NPC1: variants seen among roughly 807,000 people sequenced by gnomAD.
The protein encoded by NPC1 is Niemann-Pick C1 protein.
Under a neutral mutation model 140.4 loss-of-function variants are expected in NPC1, and 85 were observed. The observed-to-expected ratio is 0.61, with a 90% CI of 0.51 to 0.72. The LOEUF (loss-of-function observed/expected upper bound fraction) is 0.72, where lower values mean the gene tolerates loss of function less well. Among genes scored for constraint, NPC1 ranks in the 30% least tolerant of loss-of-function variants. NPC1 has a pLI of 0.00. For missense variants in NPC1, 1,504 were observed against 1,623.8 expected (o/e 0.93, Z 1.27); for synonymous variants, 656 against 624.8 (o/e 1.05, Z -0.74).
At chr18:23,526,675 G>A, downstream of NPC1, 1 of 1,614,192 alleles carries the variant, frequency 6.2e-7, no homozygotes, top group Non-Finnish European at 8.5e-7. Context: ...TGAGCCCATA[G>A]TAAATCTCTT....
rs148007860 is a variant in NPC1, at chr18:23,534,280, C to T, written c.3591+166G>A. 1.2e-4 allele frequency: 80 copies of T among 686,726 alleles called. No homozygotes were observed. The African/African-American group carries it at 1.2e-3, about 10-fold the overall frequency. The allele number at this position is 686,726 out of a possible 1,614,324, so 42.5% of individuals were successfully genotyped here. On this transcript the variant is annotated intron_variant, in intron 23 of 24. Transcript: ENST00000269228. ...AGCCGTACCAACAGGTACAGTTCCA[C>T]AGAACGTCCGTTCTGTCCACGATGT... is the stretch of plus-strand genomic sequence containing the variant.
intron 1 of NPC1, chr18:23,577,015 G>A (rs952845932): frequency 1.2e-4 from 18 of 152,384 alleles, no homozygotes; most frequent in African/African-American, 3.8e-4. Context: ...CTGATTGGTA[G>A]AGCCGAGTGG....
chr18:23,506,667 G>A (rs550444936), intron 3 of NPC1: 21 of 257,280 alleles, frequency 8.2e-5, no homozygotes, highest in South Asian at 4.5e-4. Flanking sequence ...CAGCAGTTAC[G>A]GAGAAGGCTC....
chr18:23,526,908 C>T, downstream of NPC1: 1 of 1,130,682 alleles, frequency 8.8e-7, no homozygotes, highest in Non-Finnish European at 1.2e-6. Flanking sequence ...GCTATGTGAC[C>T]CCCTAGGAAA....
rs66620415 is a variant in NPC1, at chr18:23,544,952, C to T, written c.1947+8G>A. 7.0e-6 allele frequency: 10 copies of T among 1,430,720 alleles called. 1 individual carries two copies. In the Middle Eastern group the frequency reaches 1.0e-3, roughly 150 times the overall value. 88.6% of individuals were successfully genotyped at this position (1,430,720 alleles called of 1,614,324 possible). Reference sequence around the variant, plus strand: ...CTCTAGAACATACACCACCCCCCCCCGGCTTACCAGAAGCCTGCGACAGCT... The same window carrying T: ...CTCTAGAACATACACCACCCCCCCCTGGCTTACCAGAAGCCTGCGACAGCT... On this transcript the variant is annotated splice_region_variant and intron_variant, in intron 12 of 24. Transcript: ENST00000269228.
In NPC1 at chr18:23,532,031, C is replaced by G. The variant is rs146845822; in HGVS notation, c.*171G>C. The G allele has an allele frequency of 6.2e-5, 96 of 1,541,654 alleles. No homozygotes were observed. In the East Asian group the frequency reaches 2.3e-3, roughly 37 times the overall value. On this transcript the variant is annotated 3_prime_UTR_variant, in exon 25 of 25. Coordinates refer to ENST00000269228, the MANE Select transcript of NPC1 (RefSeq NM_000271.5). ...CTCCAGATCTAGTAATACTGCTTCC[C>G]AAGTCAACTGTGCATTCCTGAGTTC... is the stretch of plus-strand genomic sequence containing the variant.
At chr18:23,507,229 T>TA (rs1236898973) in intron 3 of NPC1, among the ~76,000 whole-genome samples, 2 of 152,162 alleles carry the variant, frequency 1.3e-5, no homozygotes, top group South Asian at 2.1e-4. Context: ...TTGAGTGGGT[T>TA]AAAAAAATGA....
intron 5 of NPC1, among the ~76,000 whole-genome samples, chr18:23,560,818 A>G (rs1282832765): frequency 6.6e-6 from 1 of 152,054 alleles, no homozygotes; most frequent in Non-Finnish European, 1.5e-5. Context: ...CCCCTTTTTA[A>G]CTGCTTATTC....
At position 23,534,508 on chromosome 18, in the gene NPC1, C is replaced by T; in HGVS notation, c.3529G>A (p.Val1177Met). The change falls in exon 23 of 25, where the codon GTG becomes ATG. Residue 1177 changes from valine to methionine, a missense_variant. Transcript: ENST00000269228. ...TCCACGCGGCTGCCTTTCATGCTCA[C>T]CGTGAACGCTCTGGTTATGTGGCTG... Reference protein sequence around the residue: ...FCSHITRAFTVSMKGSRVERA... With the variant: ...FCSHITRAFTMSMKGSRVERA... 6.2e-7 allele frequency: 1 copy of T among 1,614,172 alleles called. No individual in the cohort carries two copies. Among genetic ancestry groups the T allele is most frequent in the Non-Finnish European group, 8.5e-7 (1 of 1,180,038 alleles).
chr18:23,540,417 T>TAAAA, intron 17 of NPC1, 31 bp downstream of exon 17: 5 of 1,159,936 alleles, frequency 4.3e-6, no homozygotes, highest in African/African-American at 1.7e-5. Flanking sequence ...CTAAAGAAGT[T>TAAAA]AAAAAAAAAA....
rs370181667 is a variant in NPC1 at position 23,556,547 on chromosome 18, C to T, written c.1022G>A (p.Arg341His). 6.2e-7 allele frequency: 1 copy of T among 1,614,096 alleles called. No homozygotes were observed. Among genetic ancestry groups the T allele is most frequent in the Non-Finnish European group, 8.5e-7 (1 of 1,180,012 alleles). ...GTTTCGGACGCAGAAAGACCCCCAG[C>T]GTGTGAACAGCCGCCTCAAGCAGCC... ...FEGCLRRLFT[R>H]WGSFCVRNPG... Residue 341 changes from arginine (R) to histidine (H), a missense_variant, in exon 8 of 25, where the codon CGC (arginine) becomes CAC (histidine). Arg to His is a conservative substitution (Grantham distance 29). Coordinates refer to ENST00000269228, the MANE Select transcript of NPC1 (RefSeq NM_000271.5).
chr18:23,534,028 C>G (rs1030005362), intron 23 of NPC1: 1 of 325,218 alleles, frequency 3.1e-6, no homozygotes, highest in Non-Finnish European at 5.8e-6. Context: ...TGTTACGAAA[C>G]AAAGTTTTAG....
chr18:23,533,915 A>G (rs113608157), intron 23 of NPC1: 2 of 334,056 alleles, frequency 6.0e-6, no homozygotes, highest in African/African-American at 4.3e-5. Flanking sequence ...GGGGAGAGGT[A>G]TGACCAAGTT....
At position 23,544,953 on chromosome 18, in the gene NPC1, G is replaced by GCCCCC; in HGVS notation, c.1947+6_1947+7insGGGGG. ...TCTAGAACATACACCACCCCCCCCC[G>GCCCCC]GCTTACCAGAAGCCTGCGACAGCTT... On this transcript the variant is annotated splice_region_variant and intron_variant, in intron 12 of 24. Coordinates refer to ENST00000269228, the MANE Select transcript of NPC1 (RefSeq NM_000271.5). 1 of 1,121,832 alleles carries GCCCCC rather than the reference G, an allele frequency of 8.9e-7. No individual in the cohort carries two copies. Among genetic ancestry groups the GCCCCC allele is most frequent in the Non-Finnish European group, 1.2e-6 (1 of 816,176 alleles). The allele number at this position is 1,121,832 out of a possible 1,614,324, so 69.5% of individuals were successfully genotyped here.
At chr18:23,561,038 G>A (rs1419633003) in intron 5 of NPC1, among the ~76,000 whole-genome samples, 2 of 152,202 alleles carry the variant, frequency 1.3e-5, no homozygotes, top group African/African-American at 2.4e-5. Flanking sequence ...TGGAGAGACA[G>A]GGCTTTGCCC....
At position 23,538,609 on chromosome 18, in the gene NPC1, C is replaced by T. The variant is rs80358254; in HGVS notation, c.2974G>A (p.Gly992Arg). 8 of 1,614,068 alleles carry T rather than the reference C, an allele frequency of 5.0e-6. No individual in the cohort carries two copies. Among genetic ancestry groups the T allele is most frequent in the East Asian group, 2.2e-5 (1 of 44,898 alleles). ...LTPEGKQRPQ[G>R]GDFMRFLPMF... The stretch of plus-strand genomic sequence containing the variant: ...GGCAGGAATCTCATGAAGTCTCCCC[C>T]CTGAGGCCTCTGTTTGCCTTCCGGA... Residue 992 changes from glycine (G) to arginine (R), a missense_variant, in exon 20 of 25, where the codon GGG becomes AGG. Transcript: ENST00000269228.
At chr18:23,548,775 C>T (rs1417201954) in intron 10 of NPC1, among the ~76,000 whole-genome samples, 1 of 151,966 alleles carries the variant, frequency 6.6e-6, no homozygotes, top group Non-Finnish European at 1.5e-5. Flanking sequence ...AGAAATAAAT[C>T]TTTTTTCTTT....
At chr18:23,527,730 G>A (rs185634715), downstream of NPC1, 162 of 1,259,272 alleles carry the variant, frequency 1.3e-4, no homozygotes, top group East Asian at 3.7e-3. Flanking sequence ...TCATAGCAAC[G>A]TGTGGAAATT....
rs144742683 is a variant in NPC1, at chr18:23,538,896, A to G, written c.2912-225T>C. On this transcript the variant is annotated intron_variant, in intron 19 of 24. Transcript: ENST00000269228. The stretch of plus-strand genomic sequence containing the variant: ...TTTCATCTTAGGCATACTATGCATC[A>G]TTTTCTGCCCTGAAGTAGATCTCCT... The G allele has an allele frequency of 4.1e-5, 23 of 562,534 alleles. No homozygotes were observed. The African/African-American group carries it at 4.1e-4, about 10-fold the overall frequency. 34.8% of individuals were successfully genotyped at this position (562,534 alleles called of 1,614,324 possible).
Sources: allele counts gnomAD v4.1 joint callset (sites outside exome capture counted in the v4.1 genomes callset), GRCh38; gene constraint gnomAD v4.1.1; transcripts MANE v1.5; gene names NCBI Gene and HGNC (gene_info 2026-07-23, HGNC 2026-07-21).